Variants in PLCB4 observed in about 807,000 individuals in gnomAD.
The protein encoded by PLCB4 is 1-phosphatidylinositol 4,5-bisphosphate phosphodiesterase beta-4.
PLCB4 carries 77 observed loss-of-function variants against 178.8 expected under a neutral mutation model. The ratio of observed to expected loss-of-function variants is 0.43; its 90% CI spans 0.36 to 0.52. The LOEUF (loss-of-function observed/expected upper bound fraction) is 0.52, where lower values mean the gene tolerates loss of function less well. Ranked by LOEUF, PLCB4 falls within the 20% of genes least tolerant of loss-of-function variation. The pLI, the probability that PLCB4 is intolerant of heterozygous loss-of-function variation, is 0.00. For synonymous variants in PLCB4, 496 were observed against 490.8 expected, an observed-to-expected ratio of 1.01 and a Z score of -0.14; for missense variants, 1,024 against 1,453.4, an observed-to-expected ratio of 0.70 and a Z score of 4.80.
chr20:9,327,732 T>C (rs926875662), intron 4 of PLCB4, among the ~76,000 whole-genome samples: 1 of 151,982 alleles, frequency 6.6e-6, no homozygotes, highest in Admixed American at 6.6e-5. Flanking sequence ...GCTGGGATCA[T>C]GCCCCTGCAC....
chr20:9,323,256 T>C (rs2029862896), intron 4 of PLCB4, among the ~76,000 whole-genome samples: 1 of 152,214 alleles, frequency 6.6e-6, no homozygotes, highest in Non-Finnish European at 1.5e-5. Context: ...CACTTCATTC[T>C]GTTTCTGCTA....
intron 2 of PLCB4, among the ~76,000 whole-genome samples, chr20:9,151,588 AG>A (rs1464581159): frequency 6.6e-6 from 1 of 152,102 alleles, no homozygotes. Flanking sequence ...AGTGCCTTTC[AG>A]CCTCCCGCCA....
chr20:9,324,135 A>G (rs554139498), intron 4 of PLCB4, among the ~76,000 whole-genome samples: 18 of 150,878 alleles, frequency 1.2e-4, no homozygotes, highest in Non-Finnish European at 2.1e-4. Flanking sequence ...TGATTGTGCC[A>G]TTGCACTCCA....
chr20:9,373,699 C>T (rs940715591), intron 12 of PLCB4, among the ~76,000 whole-genome samples: 3 of 152,158 alleles, frequency 2.0e-5, no homozygotes, highest in African/African-American at 7.2e-5. Flanking sequence ...TTATAACAAG[C>T]TCAGAGCTAA....
chr20:9,375,731 G>A (rs546785946), intron 12 of PLCB4, among the ~76,000 whole-genome samples: 1 of 152,240 alleles, frequency 6.6e-6, no homozygotes, highest in South Asian at 2.1e-4. Context: ...AGTCTCATTT[G>A]CAGATGTTGA....
chr20:9,406,480 A>G (rs2039441853), intron 21 of PLCB4, among the ~76,000 whole-genome samples: 1 of 151,250 alleles, frequency 6.6e-6, no homozygotes, highest in Non-Finnish European at 1.5e-5. Flanking sequence ...GTTAAGACAA[A>G]CAAATTGACC....
At chr20:9,413,066 G>A (rs954076960) in intron 25 of PLCB4, among the ~76,000 whole-genome samples, 2 of 152,210 alleles carry the variant, frequency 1.3e-5, no homozygotes, top group Non-Finnish European at 2.9e-5. Context: ...CACAGACATT[G>A]CAAAATTCAA....
At chr20:9,092,912 T>C (rs965114183) in intron 1 of PLCB4, among the ~76,000 whole-genome samples, 2 of 152,146 alleles carry the variant, frequency 1.3e-5, no homozygotes, top group African/African-American at 4.8e-5. Flanking sequence ...CTAGCTGCCA[T>C]AGTATCTGGG....
intron 2 of PLCB4, among the ~76,000 whole-genome samples, chr20:9,177,277 T>C (rs1447447168): frequency 6.6e-6 from 1 of 152,184 alleles, no homozygotes; most frequent in African/African-American, 2.4e-5. Context: ...CTGGAATTGC[T>C]GAATAGTGTT....
In PLCB4 at chr20:9,381,705, A is replaced by T. The variant is rs374216808; in HGVS notation, c.853+1543A>T. 8.5e-5 allele frequency among the ~76,000 whole-genome samples: 13 copies of T among 152,352 alleles called. No individual in the cohort carries two copies. In the East Asian group the frequency reaches 1.9e-3, roughly 23 times the overall value. The stretch of plus-strand genomic sequence containing the variant: ...TCAAGTGTGGGTGAGAATGGAGTAC[A>T]AAGCCATTCTTATAAACTTCTGGTA... On this transcript the variant is annotated intron_variant, in intron 13 of 39. Transcript: ENST00000378473.
At chr20:9,473,393 T>TGCAG (rs760049616) in intron 38 of PLCB4, 28 bp downstream of exon 38, 20 of 1,326,384 alleles carry the variant, frequency 1.5e-5, no homozygotes, top group African/African-American at 2.9e-5. Context: ...CGTAAAAACA[T>TGCAG]GCAGGCAGCT....
At chr20:9,082,756 T>TAC (rs2090215018) in intron 1 of PLCB4, among the ~76,000 whole-genome samples, 2 of 152,206 alleles carry the variant, frequency 1.3e-5, no homozygotes, top group East Asian at 3.8e-4. Context: ...CTGTCCATTT[T>TAC]TCATTTCCTT....
At chr20:9,362,858 G>C in intron 7 of PLCB4, 38 bp from the exon 8 acceptor site, 1 of 1,384,386 alleles carries the variant, frequency 7.2e-7, no homozygotes, top group South Asian at 1.2e-5. Context: ...GACTCCAGCA[G>C]ATTTGCTCAC....
intron 4 of PLCB4, among the ~76,000 whole-genome samples, chr20:9,312,395 C>T (rs1225329397): frequency 2.0e-5 from 3 of 149,848 alleles, no homozygotes. Context: ...CACACACACA[C>T]ACGCACGCAC....
chr20:9,470,793 A>G (rs1378294129), intron 36 of PLCB4, among the ~76,000 whole-genome samples: 1 of 152,244 alleles, frequency 6.6e-6, no homozygotes, highest in African/African-American at 2.4e-5. Context: ...TCCATCACCC[A>G]AGTACTATAC....
intron 30 of PLCB4, among the ~76,000 whole-genome samples, chr20:9,440,782 C>T (rs568027005): frequency 5.3e-5 from 8 of 152,170 alleles, no homozygotes; most frequent in African/African-American, 1.7e-4. Flanking sequence ...GTTAATGTTC[C>T]AGTGGGGTAG....
intron 2 of PLCB4, among the ~76,000 whole-genome samples, chr20:9,213,447 C>T (rs1312304582): frequency 2.6e-5 from 4 of 152,074 alleles, no homozygotes; most frequent in Non-Finnish European, 5.9e-5. Context: ...GCCCAGCCAG[C>T]GTAATGTTTC....
At chr20:9,311,848 C>T (rs139601699) in intron 4 of PLCB4, among the ~76,000 whole-genome samples, 2 of 152,282 alleles carry the variant, frequency 1.3e-5, no homozygotes, top group Admixed American at 1.3e-4. Context: ...CAGAACTTTC[C>T]ACAATGATAG....
At chr20:9,413,658 CAAA>C (rs869124730) in intron 25 of PLCB4, among the ~76,000 whole-genome samples, 6 of 67,366 alleles carry the variant, frequency 8.9e-5, no homozygotes, top group Admixed American at 1.5e-4. Flanking sequence ...GACTCCATCT[CAAA>C]AAAAAAAAAA....
Sources: allele counts gnomAD v4.1 joint callset (sites outside exome capture counted in the v4.1 genomes callset), GRCh38; gene constraint gnomAD v4.1.1; transcripts MANE v1.5; gene names NCBI Gene and HGNC (gene_info 2026-07-23, HGNC 2026-07-21).